PLBD1: variants seen among roughly 807,000 people sequenced by gnomAD.
PLBD1 encodes the protein lysosomal leucine aminopeptidase.
A neutral mutation model predicts 63.0 loss-of-function variants in PLBD1; 60 were observed. The observed-to-expected ratio is 0.95, with a 90% CI of 0.77 to 1.18. The LOEUF (loss-of-function observed/expected upper bound fraction) is 1.18. PLBD1 is among the 50% of genes most tolerant of loss of function. The pLI is 0.00. For synonymous variants in PLBD1, 262 were observed against 248.0 expected (o/e 1.06, Z -0.53); for missense variants, 598 against 677.9 (o/e 0.88, Z 1.31).
At chr12:14,529,083 A>AT (rs1253437160) in intron 6 of PLBD1, among the ~76,000 whole-genome samples, 1 of 152,160 alleles carries the variant, frequency 6.6e-6, no homozygotes, top group Non-Finnish European at 1.5e-5. Flanking sequence ...TAATCTCAGC[A>AT]TTTTGGGAAA....
At chr12:14,504,483 T>C (rs1945234631) in intron 10 of PLBD1, among the ~76,000 whole-genome samples, 1 of 152,242 alleles carries the variant, frequency 6.6e-6, no homozygotes, top group South Asian at 2.1e-4. Flanking sequence ...AAGTGAGATA[T>C]GAAGTCAGAT....
chr12:14,533,389 A>AG (rs1232203171), intron 6 of PLBD1, among the ~76,000 whole-genome samples: 1 of 152,212 alleles, frequency 6.6e-6, no homozygotes, highest in African/African-American at 2.4e-5. Context: ...TTGGAGATTC[A>AG]ATTGCTCCAA....
At chr12:14,520,865 A>G (rs1359242779) in intron 6 of PLBD1, among the ~76,000 whole-genome samples, 2 of 152,152 alleles carry the variant, frequency 1.3e-5, no homozygotes, top group South Asian at 2.1e-4. Flanking sequence ...CAAGTCATGA[A>G]CCCATTCTAG....
intron 1 of PLBD1, among the ~76,000 whole-genome samples, chr12:14,564,762 C>T (rs1858390265): frequency 6.6e-6 from 1 of 152,110 alleles, no homozygotes; most frequent in South Asian, 2.1e-4. Flanking sequence ...AGATTCTGAA[C>T]CAGTTTTACC....
chr12:14,540,106 T>TTTTTTATATATATATATATA (rs71448876), intron 4 of PLBD1, among the ~76,000 whole-genome samples: 28 of 64,028 alleles, frequency 4.4e-4, no homozygotes, highest in African/African-American at 1.6e-3. Flanking sequence ...AATATAAATA[T>TTTTTTATATATATATATATA]TATTTATATA....
At chr12:14,552,737 C>T (rs1050274563) in intron 2 of PLBD1, among the ~76,000 whole-genome samples, 2 of 151,992 alleles carry the variant, frequency 1.3e-5, no homozygotes, top group Admixed American at 1.3e-4. Context: ...CCTGTCTTTG[C>T]AAAAATATAT....
Position 14,553,289 on chromosome 12 carries a change from C to A in PLBD1, c.239G>T (p.Gly80Val). The change falls in exon 2 of 11, where the codon GGC becomes GTC. Residue 80 changes from glycine (G) to valine (V), a missense_variant. By Grantham distance (109) the Gly-to-Val change is moderately radical. Coordinates refer to ENST00000240617, the MANE Select transcript of PLBD1 (RefSeq NM_024829.6). ...YNNSVKTTGW[G>V]ILEIRAGYGS... ...ATAGCCAGCTCTGATCTCCAGGATG[C>A]CCCAGCCTGTGGTTTTCACAGAGTT... is the stretch of plus-strand genomic sequence containing the variant. 1 of 1,614,186 alleles carries A rather than the reference C, an allele frequency of 6.2e-7. No homozygotes were observed. Among genetic ancestry groups the A allele is most frequent in the Non-Finnish European group, 8.5e-7 (1 of 1,180,026 alleles).
At chr12:14,503,983 A>G in intron 10 of PLBD1, 29 bp from the exon 11 acceptor site, 1 of 1,572,096 alleles carries the variant, frequency 6.4e-7, no homozygotes, top group East Asian at 2.3e-5. Context: ...AGGACATTTT[A>G]GAAAATCATC....
intron 2 of PLBD1, among the ~76,000 whole-genome samples, chr12:14,542,535 G>A (rs1592005399): frequency 6.6e-6 from 1 of 151,946 alleles, no homozygotes; most frequent in African/African-American, 2.4e-5. Context: ...ATTATATTTT[G>A]CCATATTTGC....
intron 2 of PLBD1, among the ~76,000 whole-genome samples, chr12:14,544,289 T>G (rs1272108773): frequency 6.6e-6 from 1 of 152,194 alleles, no homozygotes; most frequent in African/African-American, 2.4e-5. Flanking sequence ...TTCTCCTGCC[T>G]CAGCCTCCCG....
chr12:14,536,423 C>T, intron 5 of PLBD1, 147 bp downstream of exon 5: 1 of 815,906 alleles, frequency 1.2e-6, no homozygotes, highest in Admixed American at 2.7e-5. Flanking sequence ...ATCAAAGTTA[C>T]TTCCAGTTCT....
At chr12:14,515,464 G>A (rs1180758938) in intron 6 of PLBD1, among the ~76,000 whole-genome samples, 4 of 151,220 alleles carry the variant, frequency 2.6e-5, no homozygotes, top group African/African-American at 9.7e-5. Flanking sequence ...TTTAGAATAC[G>A]TGCCCGTATT....
chr12:14,550,115 A>G (rs1485482870), intron 2 of PLBD1, among the ~76,000 whole-genome samples: 1 of 152,178 alleles, frequency 6.6e-6, no homozygotes, highest in Non-Finnish European at 1.5e-5. Flanking sequence ...CCAAGCCTAC[A>G]ACTCACTTCT....
At chr12:14,559,179 A>G (rs1322558583) in intron 1 of PLBD1, among the ~76,000 whole-genome samples, 1 of 152,256 alleles carries the variant, frequency 6.6e-6, no homozygotes, top group Non-Finnish European at 1.5e-5. Flanking sequence ...AAAATAGTAC[A>G]TAATTCTAAT....
intron 6 of PLBD1, among the ~76,000 whole-genome samples, chr12:14,534,904 G>A (rs1280025794): frequency 6.6e-6 from 1 of 152,088 alleles, no homozygotes; most frequent in Non-Finnish European, 1.5e-5. Context: ...TTAGGCCCAG[G>A]AATTTGCAGC....
chr12:14,527,384 C>T (rs968490812), intron 6 of PLBD1, among the ~76,000 whole-genome samples: 11 of 152,134 alleles, frequency 7.2e-5, no homozygotes, highest in African/African-American at 2.7e-4. Flanking sequence ...GAATCTGTTA[C>T]TAGTACCATC....
intron 6 of PLBD1, among the ~76,000 whole-genome samples, chr12:14,519,422 C>T (rs549707980): frequency 6.6e-6 from 1 of 151,894 alleles, no homozygotes; most frequent in South Asian, 2.1e-4. Context: ...AGATCGAGAC[C>T]ACCTGGCTAA....
chr12:14,549,869 T>C (rs1350554792), intron 2 of PLBD1, among the ~76,000 whole-genome samples: 2 of 152,174 alleles, frequency 1.3e-5, no homozygotes, highest in Admixed American at 6.6e-5. Context: ...GTTTTCGCCA[T>C]GTTGGCCAGG....
chr12:14,532,528 T>A (rs1467197273), intron 6 of PLBD1, among the ~76,000 whole-genome samples: 1 of 152,180 alleles, frequency 6.6e-6, no homozygotes, highest in East Asian at 1.9e-4. Context: ...TGACCACCGT[T>A]CTGACAGCTC....
Sources: gnomAD v4.1 joint callset for allele counts (sites outside exome capture counted in the v4.1 genomes callset) on GRCh38, gnomAD v4.1.1 for gene constraint, MANE v1.5 for transcripts, NCBI Gene and HGNC (gene_info 2026-07-23, HGNC 2026-07-21) for gene names.